Variants in TRIP12 observed in about 807,000 individuals in gnomAD.
The protein encoded by TRIP12 is thyroid hormone receptor interactor 12.
Under a neutral mutation model 244.2 loss-of-function variants are expected in TRIP12, and 25 were observed. The observed-to-expected ratio is 0.10, with a 90% CI of 0.07 to 0.14. TRIP12 has a LOEUF of 0.14. Ranked by LOEUF, TRIP12 falls within the 10% of genes least tolerant of loss-of-function variation. The probability of loss-of-function intolerance (pLI) is 1.00; values close to 1 mark genes in which losing one functional copy is unlikely to be tolerated. For synonymous variants in TRIP12, 905 were observed against 873.1 expected (o/e 1.04, Z -0.64); for missense variants, 1,677 against 2,486.4 (o/e 0.67, Z 6.92).
intron 8 of TRIP12, among the ~76,000 whole-genome samples, chr2:229,819,113 T>C (rs565164396): frequency 6.6e-6 from 1 of 150,544 alleles, no homozygotes; most frequent in African/African-American, 2.5e-5. Flanking sequence ...TCCTCTTTCA[T>C]TTCCTGCACA....
rs148635576 is a variant in TRIP12 at position 229,878,902 on chromosome 2, T to C, written c.98+1080A>G. ...CGGCCTAAAAAATTTTTAAATACTT[T>C]ACTAGATAATATGCATTCATGGTTA... On this transcript the variant is annotated intron_variant, in intron 2 of 41. Transcript: ENST00000675903. Among the ~76,000 whole-genome samples the C allele has an allele frequency of 2.1e-3, 312 of 152,074 alleles. 1 individual carries two copies. The highest frequency in any genetic ancestry group is 7.2e-3 in the African/African-American group (298 of 41,518).
chr2:229,815,521 T>C (rs998100752), intron 9 of TRIP12, among the ~76,000 whole-genome samples: 1 of 136,430 alleles, frequency 7.3e-6, no homozygotes, highest in East Asian at 1.9e-4. Context: ...GACTTGAGTA[T>C]GCTGCTAGAT....
At chr2:229,804,766 T>A (rs79517541) in intron 18 of TRIP12, among the ~76,000 whole-genome samples, 3,349 of 152,298 alleles carry the variant, frequency 0.022, 131 homozygotes, top group African/African-American at 0.077. Context: ...AATATAATTT[T>A]ATTAGAACGC....
chr2:229,883,844 CAT>C (rs1343865044), intron 1 of TRIP12, among the ~76,000 whole-genome samples: 7 of 152,176 alleles, frequency 4.6e-5, no homozygotes, highest in South Asian at 2.1e-4. Context: ...GCAAATACCA[CAT>C]AGAGAAACAA....
At position 229,840,942 on chromosome 2, in the gene TRIP12, T is replaced by C. The variant is rs2056274626; in HGVS notation, c.1028-15A>G. The C allele has an allele frequency of 3.2e-6, 5 of 1,540,646 alleles. No individual in the cohort carries two copies. Among genetic ancestry groups the C allele is most frequent in the Non-Finnish European group, 4.4e-6 (5 of 1,138,038 alleles). On this transcript the variant is annotated splice_polypyrimidine_tract_variant and intron_variant, in intron 4 of 41. Transcript: ENST00000675903. ...TTTTCTTAAACCTATCCACAGAAAA[T>C]GGAAAAGTGTAATTTTATAATGAGA...
chr2:229,805,965 T>G, intron 17 of TRIP12, 82 bp from the exon 18 acceptor site: 1 of 1,132,768 alleles, frequency 8.8e-7, no homozygotes, highest in Non-Finnish European at 1.2e-6. Flanking sequence ...CCTCCAAATA[T>G]GCTATCTTAC....
rs1418414659 is a variant in TRIP12 at position 229,859,382 on chromosome 2, A to G, written c.417T>C (p.His139=). Residue 139 remains histidine (H), a synonymous_variant, in exon 4 of 42, where the codon CAT becomes CAC. Coordinates refer to ENST00000675903, the MANE Select transcript of TRIP12 (RefSeq NM_001348323.3). ...TATTTGTTTCTGAGGGAGATTCAGT[A>G]TGCTGAAGTGCTTTTGGTTTTTTTG... ...SSAKKPKALQ[H]TESPSETNKP... 3 of 1,614,200 alleles carry G rather than the reference A, an allele frequency of 1.9e-6. No homozygotes were observed. The highest frequency in any genetic ancestry group is 4.5e-5 in the East Asian group (2 of 44,882).
intron 30 of TRIP12, among the ~76,000 whole-genome samples, chr2:229,790,059 G>A (rs2154258128): frequency 6.6e-6 from 1 of 152,260 alleles, no homozygotes; most frequent in East Asian, 1.9e-4. Flanking sequence ...CAGTAAAATG[G>A]CTGGAGGAAT....
upstream of TRIP12, chr2:229,922,601 C>T (rs779134417): frequency 3.1e-6 from 5 of 1,613,994 alleles, no homozygotes; most frequent in South Asian, 4.4e-5. Flanking sequence ...ACTGGTCACC[C>T]GGTCTCAGGC....
At chr2:229,863,230 A>G (rs1304894607) in intron 2 of TRIP12, among the ~76,000 whole-genome samples, 6 of 146,812 alleles carry the variant, frequency 4.1e-5, no homozygotes, top group South Asian at 2.2e-4. Context: ...CTCCATCTCG[A>G]AAAAAAAAAA....
intron 31 of TRIP12, 106 bp downstream of exon 31, chr2:229,789,505 G>A (rs2040896770): frequency 7.2e-7 from 1 of 1,381,160 alleles, no homozygotes; most frequent in Admixed American, 2.1e-5. Context: ...ACTTTACTGG[G>A]CTAGGAGCCC....
rs762742179 is a variant in TRIP12, at chr2:229,802,285, C to T, written c.3173G>A (p.Ser1058Asn). 2 of 1,611,682 alleles carry T rather than the reference C, an allele frequency of 1.2e-6. No homozygotes were observed. Among genetic ancestry groups the T allele is most frequent in the African/African-American group, 1.3e-5 (1 of 74,892 alleles). ...GCTGAGATCTAAAGAATCATCCCTG[C>T]TGTGCTGCAAGCTGGGTGATCCCAA... ...ADLGSPSLQH[S>N]RDDSLDLSPQ... The change falls in exon 21 of 42, where the codon AGC (serine) becomes AAC (asparagine). Residue 1058 changes from serine (S) to asparagine (N), a missense_variant. Coordinates refer to ENST00000675903, the MANE Select transcript of TRIP12 (RefSeq NM_001348323.3).
At chr2:229,769,469 A>AAT (rs1559278035) in intron 39 of TRIP12, 144 bp from the exon 40 acceptor site, 2 of 377,176 alleles carry the variant, frequency 5.3e-6, no homozygotes, top group African/African-American at 5.8e-5. Context: ...AAAAAAAAAA[A>AAT]ATAATAATAA....
At chr2:229,849,621 C>T (rs1023273424) in intron 4 of TRIP12, among the ~76,000 whole-genome samples, 6 of 151,986 alleles carry the variant, frequency 3.9e-5, no homozygotes, top group South Asian at 2.1e-4. Flanking sequence ...CAAGCACTTT[C>T]GGAGGCCTAG....
At chr2:229,833,087 C>T (rs562973171) in intron 6 of TRIP12, among the ~76,000 whole-genome samples, 1 of 152,246 alleles carries the variant, frequency 6.6e-6, no homozygotes, top group East Asian at 1.9e-4. Context: ...GTTCTCCAGA[C>T]CTACAACCAT....
At position 229,766,446 on chromosome 2, in the gene TRIP12, A is replaced by T. The variant is rs550434305; in HGVS notation, c.*1108T>A. The T allele has an allele frequency of 2.0e-5, 3 of 152,364 alleles. No homozygotes were observed. Among genetic ancestry groups the T allele is most frequent in the Non-Finnish European group, 4.4e-5 (3 of 68,032 alleles). The allele number at this position is 152,364 out of a possible 1,614,324, so 9.4% of individuals were successfully genotyped here. A position where few individuals can be genotyped will look rare whatever the true frequency, so the allele number is the denominator to read the frequency against. On this transcript the variant is annotated 3_prime_UTR_variant, in exon 42 of 42. Transcript: ENST00000675903. ...CTGATGGATTATTGCAGATTTGAGA[A>T]ATCAGCACATAAAATGACTGGACAG... is the stretch of plus-strand genomic sequence containing the variant.
chr2:229,841,455 TA>T (rs1198360392), intron 4 of TRIP12, among the ~76,000 whole-genome samples: 4 of 152,140 alleles, frequency 2.6e-5, no homozygotes, highest in Admixed American at 1.3e-4. Context: ...ACTGGATAAT[TA>T]GGGGGGAGAC....
rs139041105 is a variant in TRIP12, at chr2:229,830,144, T to C, written c.1354+612A>G. Among the ~76,000 whole-genome samples, 108 of 152,318 alleles carry C rather than the reference T, an allele frequency of 7.1e-4. 1 individual carries two copies. The highest frequency in any genetic ancestry group is 9.8e-4 in the Non-Finnish European group (67 of 68,022). ...CCATCCATACATAGTATTAGGCTGC[T>C]TTTGTAAAAGCATTTGTAACATTAA... On this transcript the variant is annotated intron_variant, in intron 7 of 41. Coordinates refer to ENST00000675903, the MANE Select transcript of TRIP12 (RefSeq NM_001348323.3).
chr2:229,811,936 T>C (rs2047342651), intron 13 of TRIP12, among the ~76,000 whole-genome samples: 1 of 152,204 alleles, frequency 6.6e-6, no homozygotes, highest in African/African-American at 2.4e-5. Context: ...TGACACTACA[T>C]AAATCAAGAA....
Sources: allele counts gnomAD v4.1 joint callset (sites outside exome capture counted in the v4.1 genomes callset), GRCh38; gene constraint gnomAD v4.1.1; transcripts MANE v1.5; gene names NCBI Gene and HGNC (gene_info 2026-07-23, HGNC 2026-07-21).